Variants in PACRG observed in about 807,000 individuals in gnomAD.
The protein encoded by PACRG is parkin coregulated gene protein.
Under a neutral mutation model 29.7 loss-of-function variants are expected in PACRG, and 29 were observed. The observed-to-expected ratio is 0.98, with a 90% confidence interval of 0.73 to 1.33. The LOEUF (loss-of-function observed/expected upper bound fraction) is 1.33. PACRG is among the 40% of genes most tolerant of loss of function. The pLI, the probability that PACRG is intolerant of heterozygous loss-of-function variation, is 0.00. For synonymous variants in PACRG, 116 were observed against 118.7 expected (o/e 0.98, Z 0.15); for missense variants, 279 against 316.2 (o/e 0.88, Z 0.89).
intron 1 of PACRG, among the ~76,000 whole-genome samples, chr6:162,801,135 T>C (rs530895199): frequency 6.6e-6 from 1 of 152,298 alleles, no homozygotes; most frequent in East Asian, 1.9e-4. Context: ...TTCTTTTTTT[T>C]TGAGGCAGAG....
At chr6:162,968,930 C>T (rs367931582) in intron 2 of PACRG, among the ~76,000 whole-genome samples, 33 of 151,686 alleles carry the variant, frequency 2.2e-4, no homozygotes, top group African/African-American at 7.5e-4. Flanking sequence ...GCCTGTAATC[C>T]CAGCTACTCA....
intron 4 of PACRG, among the ~76,000 whole-genome samples, chr6:163,281,567 CTAGA>C (rs1784228597): frequency 6.6e-6 from 1 of 151,892 alleles, no homozygotes; most frequent in Non-Finnish European, 1.5e-5. Flanking sequence ...TATATGAAAT[CTAGA>C]TAGTGTACAT....
intron 4 of PACRG, chr6:163,111,913 C>G (rs1280731056): frequency 4.1e-6 from 1 of 243,394 alleles, no homozygotes; most frequent in African/African-American, 2.3e-5. Flanking sequence ...TATTTAAATG[C>G]CTGAGGGGCA....
intron 4 of PACRG, among the ~76,000 whole-genome samples, chr6:163,293,398 A>C (rs145280145): frequency 1.5e-3 from 225 of 152,354 alleles, no homozygotes; most frequent in Middle Eastern, 0.014. Context: ...AAAAAGGGTA[A>C]GAAAGTGCAA....
At chr6:162,768,065 A>G (rs1255783348) in intron 1 of PACRG, among the ~76,000 whole-genome samples, 1 of 151,994 alleles carries the variant, frequency 6.6e-6, no homozygotes, top group Non-Finnish European at 1.5e-5. Flanking sequence ...TTAGCATTGT[A>G]TTTGCATACC....
At chr6:162,966,763 C>A (rs9458694) in intron 2 of PACRG, among the ~76,000 whole-genome samples, 23,573 of 151,856 alleles carry the variant, frequency 0.16, 3,197 homozygotes, top group African/African-American at 0.36. Context: ...GGCGTGAGCC[C>A]CCGCACCCGG....
chr6:163,099,923 A>C (rs2128312678), intron 4 of PACRG, among the ~76,000 whole-genome samples: 1 of 152,244 alleles, frequency 6.6e-6, no homozygotes, highest in Admixed American at 6.5e-5. Context: ...GGGAACGCTC[A>C]GCTTGCTTCA....
At chr6:163,269,774 C>A (rs563580516) in intron 4 of PACRG, among the ~76,000 whole-genome samples, 37 of 99,088 alleles carry the variant, frequency 3.7e-4, no homozygotes, top group African/African-American at 1.4e-3. Context: ...GACAGACAGA[C>A]AGACAGACAG....
chr6:163,241,952 G>T (rs991924705), intron 4 of PACRG, among the ~76,000 whole-genome samples: 1 of 152,176 alleles, frequency 6.6e-6, no homozygotes, highest in African/African-American at 2.4e-5. Flanking sequence ...AGGGGGAGAC[G>T]TGAGGGTGGG....
intron 2 of PACRG, among the ~76,000 whole-genome samples, chr6:162,969,023 G>C (rs1300175993): frequency 3.1e-5 from 4 of 130,706 alleles, no homozygotes; most frequent in African/African-American, 1.2e-4. Context: ...CTCCAGCCTG[G>C]GGAACAGAGC....
intron 2 of PACRG, among the ~76,000 whole-genome samples, chr6:162,850,378 G>C (rs1346302344): frequency 6.6e-6 from 1 of 152,156 alleles, no homozygotes; most frequent in Non-Finnish European, 1.5e-5. Flanking sequence ...TCTCCAAAAT[G>C]ATATCCTTTT....
At chr6:163,314,499 T>G (rs1373136811) in intron 4 of PACRG, among the ~76,000 whole-genome samples, 1 of 152,132 alleles carries the variant, frequency 6.6e-6, no homozygotes, top group Non-Finnish European at 1.5e-5. Context: ...GTGCTGTGAT[T>G]TTGGAAAACT....
chr6:162,907,983 T>C (rs925660), intron 2 of PACRG, among the ~76,000 whole-genome samples: 29,658 of 152,088 alleles, frequency 0.2, 3,034 homozygotes, highest in Non-Finnish European at 0.23. Context: ...AGCTGTGATA[T>C]TGCAACAAAA....
At chr6:162,822,586 A>C (rs1584460823) in intron 2 of PACRG, among the ~76,000 whole-genome samples, 1 of 152,202 alleles carries the variant, frequency 6.6e-6, no homozygotes, top group African/African-American at 2.4e-5. Flanking sequence ...GTAAAAGAAA[A>C]CCCATCAACC....
rs398003265 is a variant in PACRG at position 163,177,710 on chromosome 6, AT to A, written c.613+88329del. Among the ~76,000 whole-genome samples, 373 of 53,718 alleles carry A rather than the reference AT, an allele frequency of 6.9e-3. 1 individual carries two copies. The highest frequency in any genetic ancestry group is 0.038 in the Middle Eastern group (1 of 26). 35.2% of individuals were successfully genotyped at this position (53,718 alleles called of 152,430 possible). A position where few individuals can be genotyped will look rare whatever the true frequency, so the allele number is the denominator to read the frequency against. On this transcript the variant is annotated intron_variant, in intron 4 of 4. Coordinates refer to ENST00000366888, the MANE Select transcript of PACRG (RefSeq NM_001080379.2). ...TGTTAGCTAAGAAATTAGAAAAGGGATTTTTTTTTTTTTTTTTTTTTTTTTT... is the reference window on the plus strand; with the variant it reads ...TGTTAGCTAAGAAATTAGAAAAGGGATTTTTTTTTTTTTTTTTTTTTTTTT...
At chr6:163,118,256 T>A (rs927254227) in intron 4 of PACRG, among the ~76,000 whole-genome samples, 1 of 152,148 alleles carries the variant, frequency 6.6e-6, no homozygotes, top group Non-Finnish European at 1.5e-5. Context: ...GATGAACGGG[T>A]TTATGAATAG....
chr6:162,798,867 T>C (rs1231049067), intron 1 of PACRG, among the ~76,000 whole-genome samples: 1 of 152,218 alleles, frequency 6.6e-6, no homozygotes, highest in Non-Finnish European at 1.5e-5. Context: ...CTTATACAAG[T>C]ATATGGAATG....
Position 162,886,335 on chromosome 6 carries a change from G to T in PACRG, c.291+72054G>T, listed in dbSNP as rs376159432. The stretch of plus-strand genomic sequence containing the variant: ...GAAAGCCAGGTCCTTCTCCTCCTTG[G>T]CCTTCTCATCATCCATCTCCTTCCT... On this transcript the variant is annotated intron_variant, in intron 2 of 4. Coordinates refer to ENST00000366888, the MANE Select transcript of PACRG (RefSeq NM_001080379.2). 3.3e-5 allele frequency among the ~76,000 whole-genome samples: 5 copies of T among 152,174 alleles called. No homozygotes were observed. In the South Asian group the frequency reaches 1.0e-3, roughly 32 times the overall value.
intron 2 of PACRG, among the ~76,000 whole-genome samples, chr6:162,852,393 C>T (rs1790994426): frequency 6.6e-6 from 1 of 152,210 alleles, no homozygotes; most frequent in Non-Finnish European, 1.5e-5. Flanking sequence ...CTGCCAGCAG[C>T]AGAACCCCCA....
Sources: allele counts gnomAD v4.1 joint callset (sites outside exome capture counted in the v4.1 genomes callset), GRCh38; gene constraint gnomAD v4.1.1; transcripts MANE v1.5; gene names NCBI Gene and HGNC (gene_info 2026-07-23, HGNC 2026-07-21).